GHR: variants seen among roughly 807,000 people sequenced by gnomAD.
GHR encodes growth hormone receptor, also known as GH receptor.
In GHR, 35 loss-of-function variants were observed where a neutral mutation model predicts 67.1. The observed-to-expected ratio is 0.52, with a 90% confidence interval of 0.40 to 0.69. GHR has a LOEUF of 0.69. Among genes scored for constraint, GHR ranks in the 30% least tolerant of loss-of-function variants. The pLI, the probability that GHR is intolerant of heterozygous loss-of-function variation, is 0.00. For synonymous variants in GHR, 272 were observed against 269.1 expected, an observed-to-expected ratio of 1.01 and a Z score of -0.10; for missense variants, 792 against 764.6, an observed-to-expected ratio of 1.04 and a Z score of -0.42.
In GHR at chr5:42,524,372, G is replaced by T. The variant is rs1048918442; in HGVS notation, c.-11-41492G>T. Among the ~76,000 whole-genome samples, 5 of 152,264 alleles carry T rather than the reference G, an allele frequency of 3.3e-5. No individual in the cohort carries two copies. In the East Asian group the frequency reaches 7.7e-4, roughly 24 times the overall value. On this transcript the variant is annotated intron_variant, in intron 1 of 9. Transcript: ENST00000230882. ...TTAGCAAAAAGACTGGCAGCATTTT[G>T]CCCTAGAGATTCATGGAACTTTGAA... is the stretch of plus-strand genomic sequence containing the variant.
At chr5:42,647,406 C>T (rs1405874567) in intron 3 of GHR, among the ~76,000 whole-genome samples, 1 of 151,888 alleles carries the variant, frequency 6.6e-6, no homozygotes, top group Non-Finnish European at 1.5e-5. Context: ...AACCCCTTCT[C>T]TAATAAAAAT....
chr5:42,709,617 A>C (rs977425684), intron 6 of GHR, among the ~76,000 whole-genome samples: 2 of 152,162 alleles, frequency 1.3e-5, no homozygotes, highest in African/African-American at 4.8e-5. Flanking sequence ...GGACTTTGGA[A>C]ATGAAAAATA....
intron 3 of GHR, among the ~76,000 whole-genome samples, chr5:42,673,971 G>GT (rs1336937385): frequency 6.6e-6 from 1 of 152,152 alleles, no homozygotes; most frequent in Non-Finnish European, 1.5e-5. Flanking sequence ...TCATCAGCGT[G>GT]TTTTTTAATT....
chr5:42,718,596 C>T lies in GHR; in HGVS notation c.1089C>T (p.Asp363=), dbSNP rs1294710015. The T allele has an allele frequency of 6.2e-7, 1 of 1,613,968 alleles. No homozygotes were observed. Among genetic ancestry groups the T allele is most frequent in the African/African-American group, 1.3e-5 (1 of 74,922 alleles). Residue 363 remains aspartate (D), a synonymous_variant, in exon 10 of 10, where the codon GAC becomes GAT. Transcript: ENST00000230882. Reference sequence around the variant, plus strand: ...AAAAGACTGAGGAATCAGACACAGACAGACTTCTAAGCAGTGACCATGAGA... The same window carrying T: ...AAAAGACTGAGGAATCAGACACAGATAGACTTCTAAGCAGTGACCATGAGA... ...PDEKTEESDT[D]RLLSSDHEKS...
At chr5:42,561,638 C>A (rs1352494853) in intron 1 of GHR, among the ~76,000 whole-genome samples, 1 of 152,172 alleles carries the variant, frequency 6.6e-6, no homozygotes, top group Non-Finnish European at 1.5e-5. Flanking sequence ...TGGTTTTGAA[C>A]TTGCTTTTTC....
intron 1 of GHR, among the ~76,000 whole-genome samples, chr5:42,542,279 G>T (rs1281160527): frequency 6.6e-6 from 1 of 152,142 alleles, no homozygotes; most frequent in Non-Finnish European, 1.5e-5. Flanking sequence ...GTGATCCATT[G>T]TGGCAAGTGT....
At chr5:42,476,166 G>C (rs1745305000) in intron 1 of GHR, among the ~76,000 whole-genome samples, 1 of 151,810 alleles carries the variant, frequency 6.6e-6, no homozygotes, top group Non-Finnish European at 1.5e-5. Context: ...GCCTCCCAAA[G>C]TGCTGGGATT....
chr5:42,465,810 C>T, intron 1 of GHR: 1 of 780,734 alleles, frequency 1.3e-6, no homozygotes, highest in Non-Finnish European at 2.4e-6. Flanking sequence ...CGACCTCTTC[C>T]AAGACCACCA....
At chr5:42,611,603 A>G (rs1752894446) in intron 2 of GHR, among the ~76,000 whole-genome samples, 1 of 152,194 alleles carries the variant, frequency 6.6e-6, no homozygotes, top group African/African-American at 2.4e-5. Flanking sequence ...GAAGAGGAAC[A>G]GACAAATACA....
chr5:42,709,689 A>G (rs992915366), intron 6 of GHR, among the ~76,000 whole-genome samples: 2 of 152,214 alleles, frequency 1.3e-5, no homozygotes, highest in African/African-American at 4.8e-5. Flanking sequence ...AAATTTGCAC[A>G]ATGAAACATA....
At chr5:42,524,165 T>A (rs1432036701) in intron 1 of GHR, among the ~76,000 whole-genome samples, 2 of 151,032 alleles carry the variant, frequency 1.3e-5, no homozygotes, top group Admixed American at 1.3e-4. Context: ...TTTGGAAGAG[T>A]TTGGAGGGCT....
chr5:42,586,775 G>A lies in GHR; in HGVS notation c.70+20831G>A, dbSNP rs142270692. On this transcript the variant is annotated intron_variant, in intron 2 of 9. Coordinates refer to ENST00000230882, the MANE Select transcript of GHR (RefSeq NM_000163.5). ...CTCAAAGGGCCCTTCTTGCCAGGCC[G>A]TGAATTACGTCTGAGCCAGAGGGCT... Among the ~76,000 whole-genome samples, 575 of 152,252 alleles carry A rather than the reference G, an allele frequency of 3.8e-3. 4 individuals are homozygous for A. Among genetic ancestry groups the A allele is most frequent in the African/African-American group, 0.013 (550 of 41,544 alleles).
intron 1 of GHR, among the ~76,000 whole-genome samples, chr5:42,439,234 G>A (rs745810047): frequency 6.6e-6 from 1 of 152,160 alleles, no homozygotes. Flanking sequence ...AACATAGATA[G>A]CATTTTGAAC....
At chr5:42,483,452 T>C (rs566228847) in intron 1 of GHR, among the ~76,000 whole-genome samples, 1 of 151,796 alleles carries the variant, frequency 6.6e-6, no homozygotes, top group African/African-American at 2.4e-5. Flanking sequence ...GGTGAGTTTA[T>C]GATTCTATGA....
intron 1 of GHR, among the ~76,000 whole-genome samples, chr5:42,461,677 C>G (rs942364173): frequency 2.6e-5 from 4 of 152,194 alleles, no homozygotes; most frequent in African/African-American, 9.7e-5. Flanking sequence ...TATCTTCCTC[C>G]CAATAGTCTG....
intron 3 of GHR, 64 bp from the exon 4 acceptor site, chr5:42,688,826 G>A (rs1346343668): frequency 1.7e-5 from 25 of 1,457,874 alleles, no homozygotes; most frequent in East Asian, 2.3e-5. Context: ...TTAGATACGT[G>A]TCTCATTAGG....
intron 1 of GHR, among the ~76,000 whole-genome samples, chr5:42,484,081 A>C (rs537837901): frequency 6.6e-6 from 1 of 152,298 alleles, no homozygotes; most frequent in East Asian, 1.9e-4. Flanking sequence ...CAGCACATGG[A>C]TGGATCATGT....
At chr5:42,438,861 C>T (rs145393656) in intron 1 of GHR, among the ~76,000 whole-genome samples, 36 of 152,264 alleles carry the variant, frequency 2.4e-4, no homozygotes, top group African/African-American at 8.4e-4. Flanking sequence ...CAGAGCCACC[C>T]AGCTAAGGTG....
chr5:42,668,267 C>T (rs536191451), intron 3 of GHR, among the ~76,000 whole-genome samples: 40 of 152,084 alleles, frequency 2.6e-4, no homozygotes, highest in Non-Finnish European at 4.9e-4. Context: ...TTATTTCACT[C>T]GGTACATATT....
Sources: gnomAD v4.1 joint callset for allele counts (sites outside exome capture counted in the v4.1 genomes callset) on GRCh38, gnomAD v4.1.1 for gene constraint, MANE v1.5 for transcripts, NCBI Gene and HGNC (gene_info 2026-07-23, HGNC 2026-07-21) for gene names.